MYH3: variants seen among roughly 807,000 people sequenced by gnomAD.
The protein encoded by MYH3 is myosin-3.
MYH3 carries 130 observed loss-of-function variants against 238.0 expected under a neutral mutation model. The observed-to-expected ratio is 0.55, with a 90% CI of 0.47 to 0.63. The LOEUF (loss-of-function observed/expected upper bound fraction) is 0.63. Ranked by LOEUF, MYH3 falls within the 30% of genes least tolerant of loss-of-function variation. The pLI, the probability that MYH3 is intolerant of heterozygous loss-of-function variation, is 0.00. For missense variants in MYH3, 1,853 were observed against 2,374.9 expected (o/e 0.78, Z 4.57); for synonymous variants, 880 against 924.1 (o/e 0.95, Z 0.86).
the MYH3 span, among the ~76,000 whole-genome samples, chr17:10,663,339 C>G: frequency 0.21 from 31,843 of 151,964 alleles, 3,538 homozygotes; most frequent in Non-Finnish European, 0.25. Flanking sequence ...TGATGGTGTT[C>G]GAATGAGGGA....
intron 7 of MYH3, among the ~76,000 whole-genome samples, chr17:10,649,048 G>A (rs2074350538): frequency 1.3e-5 from 2 of 152,078 alleles, no homozygotes; most frequent in South Asian, 4.1e-4. Flanking sequence ...GGCTTGCCCT[G>A]ATAAAGCCCC....
chr17:10,653,491 C>T (rs1209695482), intron 3 of MYH3, among the ~76,000 whole-genome samples: 1 of 152,146 alleles, frequency 6.6e-6, no homozygotes, highest in Non-Finnish European at 1.5e-5. Flanking sequence ...CCCTTTCCTG[C>T]CCTTTCTGGG....
chr17:10,638,578 A>AT lies in MYH3; in HGVS notation c.3340-147dup, dbSNP rs1237477289. 9.8e-5 allele frequency: 111 copies of AT among 1,132,404 alleles called. No homozygotes were observed. In the East Asian group the frequency reaches 2.8e-3, roughly 29 times the overall value. 70.1% of individuals were successfully genotyped at this position (1,132,404 alleles called of 1,614,324 possible). On this transcript the variant is annotated intron_variant, in intron 26 of 40. Transcript: ENST00000583535. Reference sequence around the variant, plus strand: ...ATACTGCAAATTTCCTTTCACAGGAATTTTTTCTGCCCCAACATGGTAATT... The same window carrying AT: ...ATACTGCAAATTTCCTTTCACAGGAATTTTTTTCTGCCCCAACATGGTAATT...
intron 36 of MYH3, among the ~76,000 whole-genome samples, chr17:10,630,911 C>G (rs1305935271): frequency 1.3e-5 from 2 of 152,184 alleles, no homozygotes; most frequent in East Asian, 3.9e-4. Context: ...TGATGAAGCA[C>G]ACTCTGCCAC....
At chr17:10,633,297 T>G (rs1431477349) in intron 33 of MYH3, among the ~76,000 whole-genome samples, 3 of 152,258 alleles carry the variant, frequency 2.0e-5, no homozygotes, top group Non-Finnish European at 2.9e-5. Flanking sequence ...ATAATAATGT[T>G]TAAATCATAT....
At chr17:10,646,081 C>T in intron 10 of MYH3, 49 bp from the exon 11 acceptor site, 2 of 1,522,652 alleles carry the variant, frequency 1.3e-6, no homozygotes, top group Non-Finnish European at 1.8e-6. Flanking sequence ...AAAGAAAAAA[C>T]CCACCCAGTG....
Position 10,639,066 on chromosome 17 carries a change from G to A in MYH3, c.3226C>T (p.Gln1076Ter), listed in dbSNP as rs527528090. The A allele has an allele frequency of 6.2e-7, 1 of 1,614,240 alleles. No individual in the cohort carries two copies. Residue 1076 changes from glutamine to a stop codon, truncating the protein, a stop_gained, in exon 25 of 41, where the codon CAG becomes TAG. Coordinates refer to ENST00000583535, the MANE Select transcript of MYH3 (RefSeq NM_002470.4). LOFTEE classifies it high-confidence loss of function. ...SILDLENDKQ[Q>*]LDERLKKKDF... ...TACTTCTTGAGCCTTTCGTCCAGCT[G>A]TTGCTTGTCATTCTCCAGATCTAAT...
At chr17:10,675,410 TTGCTTTCTTTCAAGAC>T in the MYH3 span, 1 of 152,302 alleles carries the variant, frequency 6.6e-6, no homozygotes, top group Non-Finnish European at 1.5e-5. Context: ...CATCACAGAC[TTGCTTTCTTTCAAGAC>T]TGCCTTTTGC....
chr17:10,660,446 C>G (rs938202561), upstream of MYH3, among the ~76,000 whole-genome samples: 4 of 152,000 alleles, frequency 2.6e-5, no homozygotes, highest in African/African-American at 9.7e-5. Context: ...GAGGCCGAGG[C>G]GGGCGGATCA....
At chr17:10,645,494 AT>A (rs1435330413) in intron 12 of MYH3, among the ~76,000 whole-genome samples, 1 of 151,120 alleles carries the variant, frequency 6.6e-6, no homozygotes, top group Non-Finnish European at 1.5e-5. Context: ...TGCCCAGCTA[AT>A]TTTTTTTAGT....
rs765274435 is a variant in MYH3, at chr17:10,632,698, G to A, written c.4734C>T (p.Ala1578=). The change falls in exon 34 of 41, where the codon GCC becomes GCT. Residue 1578 remains alanine, a synonymous_variant. Coordinates refer to ENST00000583535, the MANE Select transcript of MYH3 (RefSeq NM_002470.4). ...GCTGCTCGATCTCTTCATCCTTCTCGGCGATCTTTCTATCAATTTCTGATT... is the reference window on the plus strand; with the variant it reads ...GCTGCTCGATCTCTTCATCCTTCTCAGCGATCTTTCTATCAATTTCTGATT... ...QVKSEIDRKI[A]EKDEEIEQLK... is the part of the protein sequence containing the mutation. The A allele has an allele frequency of 1.4e-5, 22 of 1,613,904 alleles. No homozygotes were observed. Among genetic ancestry groups the A allele is most frequent in the East Asian group, 2.2e-5 (1 of 44,890 alleles).
chr17:10,640,738 T>C (rs747421566), intron 19 of MYH3, 52 bp from the exon 20 acceptor site: 2 of 1,597,342 alleles, frequency 1.3e-6, no homozygotes, highest in Non-Finnish European at 8.5e-7. Context: ...GACACAAACC[T>C]TGGAGAACAT....
Position 10,639,484 on chromosome 17 carries a change from AT to A in MYH3, c.2926-11del, listed in dbSNP as rs2074248145. ...CAGTAAGGTTTTTAACCTAAGAAGA[AT>A]TCGCAAGCAATTATAAGCTTAAAGT... On this transcript the variant is annotated splice_polypyrimidine_tract_variant and intron_variant, in intron 23 of 40. Transcript: ENST00000583535. 6.2e-7 allele frequency: 1 copy of A among 1,613,980 alleles called. No individual in the cohort carries two copies. The highest frequency in any genetic ancestry group is 8.5e-7 in the Non-Finnish European group (1 of 1,179,990).
chr17:10,677,621 A>C, the MYH3 span: 1 of 152,206 alleles, frequency 6.6e-6, no homozygotes, highest in African/African-American at 2.4e-5. Flanking sequence ...GTAGTCAGTA[A>C]ATCTCACCTC....
Position 10,640,219 on chromosome 17 carries a change from C to T in MYH3, c.2459G>A (p.Arg820His), listed in dbSNP as rs1220315724. The part of the protein sequence containing the change: ...ESIFCIQYNI[R>H]SFMNVKHWPW... ...CCAGTGCTTGACGTTCATGAATGAGCGAATGTTGTACTGGATGCAGAAGAT... is the reference window on the plus strand; with the variant it reads ...CCAGTGCTTGACGTTCATGAATGAGTGAATGTTGTACTGGATGCAGAAGAT... Residue 820 changes from arginine to histidine, a missense_variant, in exon 22 of 41, where the codon CGC becomes CAC. Arg to His is a conservative substitution (Grantham distance 29). Coordinates refer to ENST00000583535, the MANE Select transcript of MYH3 (RefSeq NM_002470.4). 1.2e-6 allele frequency: 2 copies of T among 1,614,142 alleles called. No individual in the cohort carries two copies. The highest frequency in any genetic ancestry group is 1.1e-5 in the South Asian group (1 of 91,082).
At chr17:10,629,507 G>T in intron 40 of MYH3, 90 bp downstream of exon 40, 4 of 1,548,142 alleles carry the variant, frequency 2.6e-6, no homozygotes, top group Non-Finnish European at 3.5e-6. Flanking sequence ...AGACTCCCCA[G>T]CTCTAAAGTA....
intron 40 of MYH3, 35 bp from the exon 41 acceptor site, chr17:10,628,714 G>A (rs777596128): frequency 9.9e-6 from 16 of 1,613,692 alleles, no homozygotes; most frequent in Non-Finnish European, 1.4e-5. Flanking sequence ...GTCAAGTCGG[G>A]TGGCAGAGAC....
intron 7 of MYH3, among the ~76,000 whole-genome samples, chr17:10,649,227 C>T (rs998373807): frequency 2.0e-5 from 3 of 152,226 alleles, no homozygotes; most frequent in Non-Finnish European, 4.4e-5. Flanking sequence ...GTATTCATTT[C>T]ATGCTGCTGT....
At chr17:10,644,164 AAAAAC>A (rs201679450) in intron 14 of MYH3, among the ~76,000 whole-genome samples, 182 bp downstream of exon 14, 47 of 98,458 alleles carry the variant, frequency 4.8e-4, no homozygotes, top group Admixed American at 1.9e-3. Context: ...CTCAAAAAAA[AAAAAC>A]AAACAAAAAA....
Sources: allele counts gnomAD v4.1 joint callset (sites outside exome capture counted in the v4.1 genomes callset), GRCh38; gene constraint gnomAD v4.1.1; transcripts MANE v1.5; gene names NCBI Gene and HGNC (gene_info 2026-07-23, HGNC 2026-07-21).